ACOX1: variants seen among roughly 807,000 people sequenced by gnomAD.
The protein encoded by ACOX1 is acyl-CoA oxidase 1, also known as peroxisomal acyl-coenzyme A oxidase 1.
In ACOX1, 41 loss-of-function variants were observed where a neutral mutation model predicts 75.5. The ratio of observed to expected loss-of-function variants is 0.54; its 90% CI spans 0.42 to 0.70. The LOEUF (loss-of-function observed/expected upper bound fraction) is 0.70. Ranked by LOEUF, ACOX1 falls within the 30% of genes least tolerant of loss-of-function variation. ACOX1 has a pLI of 0.00. For synonymous variants in ACOX1, 303 were observed against 298.8 expected, an observed-to-expected ratio of 1.01 and a Z score of -0.15; for missense variants, 630 against 837.5, an observed-to-expected ratio of 0.75 and a Z score of 3.06.
At position 75,957,000 on chromosome 17, in the gene ACOX1, T is replaced by TAC. The variant is rs1567878136; in HGVS notation, c.538+458_538+459insGT. On this transcript the variant is annotated intron_variant, in intron 4 of 13. Transcript: ENST00000293217. ...ATATATATATATATATATATATATA[T>TAC]ATATATATACACACACACACCTCTC... Among the ~76,000 whole-genome samples the TAC allele has an allele frequency of 2.4e-4, 18 of 73,646 alleles. 1 individual carries two copies. Among genetic ancestry groups the TAC allele is most frequent in the African/African-American group, 6.8e-4 (16 of 23,510 alleles). The allele number at this position is 73,646 out of a possible 152,430, so 48.3% of individuals were successfully genotyped here.
At position 75,949,288 on chromosome 17, in the gene ACOX1, C is replaced by T. The variant is rs994309569; in HGVS notation, c.1657G>A (p.Ala553Thr). 33 of 1,614,034 alleles carry T rather than the reference C, an allele frequency of 2.0e-5. No individual in the cohort carries two copies. In the African/African-American group the frequency reaches 2.8e-4, roughly 14 times the overall value. ...AGCAGACATAAACTCCTTAAGACAG[C>T]TTGAATGGCTTTATCTTGAATTTTG... ...LLKIQDKAIQ[A>T]VLRSLCLLYS... Residue 553 changes from alanine (A) to threonine (T), a missense_variant, in exon 12 of 14, where the codon GCT becomes ACT. Ala to Thr is a moderately conservative substitution (Grantham distance 58). Transcript: ENST00000293217.
At position 75,943,765 on chromosome 17, in the gene ACOX1, T is replaced by C. The variant is rs1477469832; in HGVS notation, c.*2983A>G. On this transcript the variant is annotated 3_prime_UTR_variant, in exon 14 of 14. Coordinates refer to ENST00000293217, the MANE Select transcript of ACOX1 (RefSeq NM_004035.7). ...TGCTTTGAGGTCACTAATTTTTAAA[T>C]ACAGAGCATAAAGTAGAACTCCAAA... is the stretch of plus-strand genomic sequence containing the variant. The C allele has an allele frequency of 6.6e-6, 1 of 152,142 alleles. No homozygotes were observed. The highest frequency in any genetic ancestry group is 2.4e-5 in the African/African-American group (1 of 41,438). The allele number at this position is 152,142 out of a possible 1,614,324, so 9.4% of individuals were successfully genotyped here. A position where few individuals can be genotyped will look rare whatever the true frequency, so the allele number is the denominator to read the frequency against.
Position 75,955,870 on chromosome 17 carries a change from T to A in ACOX1, c.616A>T (p.Ile206Phe). 6.2e-7 allele frequency: 1 copy of A among 1,614,148 alleles called. No individual in the cohort carries two copies. Among genetic ancestry groups the A allele is most frequent in the East Asian group, 2.2e-5 (1 of 44,880 alleles). Reference protein sequence around the residue: ...KGKCYGLHAFIVPIREIGTHK... With the variant: ...KGKCYGLHAFFVPIREIGTHK... ...GTCCCGATTTCACGAATAGGTACGA[T>A]AAAGGCATGTAATCCATAGCATTTC... The change falls in exon 5 of 14, where the codon ATC becomes TTC. Residue 206 changes from isoleucine to phenylalanine, a missense_variant. Ile to Phe is a conservative substitution (Grantham distance 21). Around this residue, in one of 2 missense-constraint regions of ACOX1, gnomAD observed 390 missense variants for 574.9 expected, o/e 0.68. Coordinates refer to ENST00000293217, the MANE Select transcript of ACOX1 (RefSeq NM_004035.7).
At chr17:75,961,730 A>G (rs569748542) in intron 2 of ACOX1, among the ~76,000 whole-genome samples, 1 of 148,126 alleles carries the variant, frequency 6.8e-6, no homozygotes, top group South Asian at 2.2e-4. Context: ...ACTGCACTCC[A>G]GCCTGGGCAA....
At chr17:75,975,011 C>G (rs2066032818) in intron 2 of ACOX1, among the ~76,000 whole-genome samples, 1 of 130,170 alleles carries the variant, frequency 7.7e-6, no homozygotes, top group Non-Finnish European at 1.6e-5. Flanking sequence ...GATCGCACCA[C>G]TGCACTCCAG....
intron 13 of ACOX1, among the ~76,000 whole-genome samples, chr17:75,947,872 C>A (rs568877186): frequency 6.6e-6 from 1 of 152,122 alleles, no homozygotes; most frequent in East Asian, 1.9e-4. Context: ...TGCACCATTA[C>A]TGCCTGGCTG....
chr17:75,963,291 T>C (rs2065902317), intron 2 of ACOX1, among the ~76,000 whole-genome samples: 1 of 151,980 alleles, frequency 6.6e-6, no homozygotes, highest in Non-Finnish European at 1.5e-5. Context: ...AATATATACA[T>C]GTAAGGAAAT....
intron 2 of ACOX1, among the ~76,000 whole-genome samples, chr17:75,968,903 C>T (rs948500263): frequency 7.3e-6 from 1 of 136,494 alleles, no homozygotes; most frequent in African/African-American, 2.8e-5. Flanking sequence ...GCCTGAGCAA[C>T]AAGAGCAAAA....
intron 12 of ACOX1, 92 bp from the exon 13 acceptor site, chr17:75,948,549 TA>T (rs1366788170): frequency 1.0e-5 from 12 of 1,173,374 alleles, no homozygotes; most frequent in South Asian, 8.3e-5. Flanking sequence ...GGATGACAAT[TA>T]TTTTTTTCTT....
In ACOX1 at chr17:75,978,178, T is replaced by C. The variant is rs1367601376; in HGVS notation, c.269+356A>G. Among the ~76,000 whole-genome samples, 1 of 152,160 alleles carries C rather than the reference T, an allele frequency of 6.6e-6. No homozygotes were observed. Among genetic ancestry groups the C allele is most frequent in the Non-Finnish European group, 1.5e-5 (1 of 68,022 alleles). On this transcript the variant is annotated intron_variant, in intron 2 of 13. Transcript: ENST00000293217. This position sits in a 1 kb window ranked among gnomAD's most constrained non-coding sequence, Gnocchi z 4.2. Reference sequence around the variant, plus strand: ...GGCGCGATCTCGGCTCACTGCAAGCTCCGCCTCCCTAGTTCACGCTATTCT... The same window carrying C: ...GGCGCGATCTCGGCTCACTGCAAGCCCCGCCTCCCTAGTTCACGCTATTCT...
At chr17:75,951,311 A>G in intron 8 of ACOX1, 104 bp downstream of exon 8, 3 of 1,416,348 alleles carry the variant, frequency 2.1e-6, no homozygotes, top group Non-Finnish European at 3.0e-6. Context: ...CAGAATACAT[A>G]CTTCTTTTCA....
At chr17:75,971,402 T>A (rs1249650978) in intron 2 of ACOX1, among the ~76,000 whole-genome samples, 1 of 152,054 alleles carries the variant, frequency 6.6e-6, no homozygotes, top group Non-Finnish European at 1.5e-5. Flanking sequence ...TCTGTTTGCC[T>A]CAAACCAGTA....
intron 2 of ACOX1, among the ~76,000 whole-genome samples, chr17:75,974,715 C>T (rs1356487235): frequency 6.6e-6 from 1 of 152,020 alleles, no homozygotes; most frequent in Non-Finnish European, 1.5e-5. Context: ...CTGGGGGACC[C>T]TGAAACCAAA....
Position 75,944,618 on chromosome 17 carries a change from G to A in ACOX1, c.*2130C>T, listed in dbSNP as rs1010746998. The A allele has an allele frequency of 1.3e-5, 2 of 152,020 alleles. No homozygotes were observed. The highest frequency in any genetic ancestry group is 2.9e-5 in the Non-Finnish European group (2 of 68,016). The allele number at this position is 152,020 out of a possible 1,614,324, so 9.4% of individuals were successfully genotyped here. ...ATTTAAACCTATGTTTAGTTGTGTG[G>A]CATATTTTTTCTCTCTTAATAGTAC... On this transcript the variant is annotated 3_prime_UTR_variant, in exon 14 of 14. Transcript: ENST00000293217.
chr17:75,948,524 A>T, intron 12 of ACOX1, 67 bp from the exon 13 acceptor site: 3 of 1,308,516 alleles, frequency 2.3e-6, no homozygotes, highest in South Asian at 2.4e-5. Context: ...TTATATGCAT[A>T]TACAGCTATA....
chr17:75,967,631 C>T lies in ACOX1; in HGVS notation c.270-7256G>A, dbSNP rs956357858. Among the ~76,000 whole-genome samples the T allele has an allele frequency of 3.6e-4, 33 of 91,788 alleles. 1 individual carries two copies. Among genetic ancestry groups the T allele is most frequent in the Middle Eastern group, 5.3e-3 (1 of 188 alleles). The allele number at this position is 91,788 out of a possible 152,430, so 60.2% of individuals were successfully genotyped here. On this transcript the variant is annotated intron_variant, in intron 2 of 13. Transcript: ENST00000293217. ...ATATATATACATACATATATATATA[C>T]ATACATATATATACGTATATATATA...
At chr17:75,954,860 G>T (rs1247263954) in intron 6 of ACOX1, among the ~76,000 whole-genome samples, 2 of 151,080 alleles carry the variant, frequency 1.3e-5, no homozygotes, top group East Asian at 3.9e-4. Flanking sequence ...ATGAGCCACC[G>T]CGCCCAGCCT....
At chr17:75,962,088 G>C (rs907044708) in intron 2 of ACOX1, among the ~76,000 whole-genome samples, 1 of 151,964 alleles carries the variant, frequency 6.6e-6, no homozygotes, top group African/African-American at 2.4e-5. Flanking sequence ...ACATAGCTCT[G>C]ATCATTTCAT....
rs1031304990 is a variant in ACOX1, at chr17:75,978,051, A to C, written c.269+483T>G. The stretch of plus-strand genomic sequence containing the variant: ...CATCCCACGAAAAGGCTTGGATACA[A>C]AAGTGATCACATTATTTTTCACACA... On this transcript the variant is annotated intron_variant, in intron 2 of 13. Coordinates refer to ENST00000293217, the MANE Select transcript of ACOX1 (RefSeq NM_004035.7). The surrounding 1 kb of genome is among the most constrained non-coding windows in gnomAD (Gnocchi z 4.2). Among the ~76,000 whole-genome samples the C allele has an allele frequency of 2.6e-5, 4 of 151,990 alleles. No homozygotes were observed. Among genetic ancestry groups the C allele is most frequent in the Non-Finnish European group, 5.9e-5 (4 of 68,018 alleles).
Sources: gnomAD v4.1 joint callset for allele counts (sites outside exome capture counted in the v4.1 genomes callset) on GRCh38, gnomAD v4.1.1 for gene constraint, gnomAD v4.1.1 regional missense constraint, Gnocchi (gnomAD v3.1) non-coding constraint, MANE v1.5 for transcripts, NCBI Gene and HGNC (gene_info 2026-07-23, HGNC 2026-07-21) for gene names.